The following FADS2 variants were observed in gnomAD, a reference collection of about 807,000 sequenced individuals.
FADS2 encodes fatty acid desaturase 2.
A neutral mutation model predicts 61.2 loss-of-function variants in FADS2; 18 were observed. The observed-to-expected ratio is 0.29, with a 90% confidence interval of 0.20 to 0.44. The LOEUF (loss-of-function observed/expected upper bound fraction) is 0.44, where lower values mean the gene tolerates loss of function less well. FADS2 is among the 20% of genes least tolerant of loss of function. FADS2 has a pLI of 1.00. For synonymous variants in FADS2, 203 were observed against 223.9 expected, an observed-to-expected ratio of 0.91 and a Z score of 0.83; for missense variants, 322 against 572.7, an observed-to-expected ratio of 0.56 and a Z score of 4.47.
upstream of FADS2, chr11:61,827,947 G>A (rs2067096937): frequency 1.3e-6 from 1 of 761,178 alleles, no homozygotes; most frequent in African/African-American, 1.9e-5. This position sits in a 1 kb window ranked among gnomAD's most constrained non-coding sequence, Gnocchi z 4.5. Flanking sequence ...CTGGGCCAAT[G>A]GCAGGCGGGG....
intron 2 of FADS2, 60 bp from the exon 3 acceptor site, chr11:61,840,274 C>A: frequency 7.2e-7 from 1 of 1,393,242 alleles, no homozygotes; most frequent in Non-Finnish European, 1.0e-6. Context: ...CAGCTCGAGA[C>A]ATATGTTCCC....
intron 7 of FADS2, among the ~76,000 whole-genome samples, chr11:61,857,759 C>T (rs897064728): frequency 6.6e-6 from 1 of 152,120 alleles, no homozygotes; most frequent in African/African-American, 2.4e-5. Flanking sequence ...TGGGGCAGCC[C>T]CTGCTTTTGC....
At chr11:61,856,857 C>T in intron 5 of FADS2, 154 bp from the exon 6 acceptor site, 2 of 694,694 alleles carry the variant, frequency 2.9e-6, no homozygotes, top group Non-Finnish European at 5.1e-6. Flanking sequence ...GGAGGGGCCC[C>T]AGGCTTGGTG....
chr11:61,838,897 T>C (rs2067196180), intron 2 of FADS2, among the ~76,000 whole-genome samples: 1 of 152,110 alleles, frequency 6.6e-6, no homozygotes. Context: ...CCCTTGTCCA[T>C]GGCCTTGCTC....
In FADS2 at chr11:61,845,030, CTTTTTTTTTTTTT is replaced by C. The variant is rs71046747; in HGVS notation, c.619-3110_619-3098del. ...TGTTTCCATTAAAGCCAGAAGTGCA[CTTTTTTTTTTTTT>C]TTTTTTTTTTTTTTTTTTGCCTCAG... On this transcript the variant is annotated intron_variant, in intron 4 of 11. Coordinates refer to ENST00000278840, the MANE Select transcript of FADS2 (RefSeq NM_004265.4). Among the ~76,000 whole-genome samples, 21 of 44,164 alleles carry C rather than the reference CTTTTTTTTTTTTT, an allele frequency of 4.8e-4. 1 individual carries two copies. Among genetic ancestry groups the C allele is most frequent in the African/African-American group, 1.2e-3 (14 of 11,492 alleles). 29.0% of individuals were successfully genotyped at this position (44,164 alleles called of 152,430 possible).
At chr11:61,819,164 G>A (rs896785899) in intron 1 of FADS2, among the ~76,000 whole-genome samples, 2 of 151,806 alleles carry the variant, frequency 1.3e-5, no homozygotes, top group African/African-American at 2.4e-5. Context: ...GTGAGCCACC[G>A]CACCCGGCCA....
chr11:61,831,627 C>T (rs1170690507), intron 1 of FADS2, among the ~76,000 whole-genome samples: 1 of 152,174 alleles, frequency 6.6e-6, no homozygotes, highest in Admixed American at 6.5e-5. Flanking sequence ...TATAATAATG[C>T]AAGTTGCTTG....
At chr11:61,824,447 GGAGGGAGGGA>G (rs1565325220), upstream of FADS2, among the ~76,000 whole-genome samples, 3 of 5,290 alleles carry the variant, frequency 5.7e-4, no homozygotes, top group African/African-American at 1.8e-3. Flanking sequence ...AGGGAGGGAG[GGAGGGAGGGA>G]GGGAGAGAGA....
At chr11:61,842,720 C>T (rs1290137000) in intron 4 of FADS2, among the ~76,000 whole-genome samples, 1 of 152,130 alleles carries the variant, frequency 6.6e-6, no homozygotes, top group Admixed American at 6.5e-5. Flanking sequence ...AGGACATGGA[C>T]ATGTGGCTCA....
chr11:61,827,131 C>A (rs556613941), upstream of FADS2, among the ~76,000 whole-genome samples: 14 of 152,292 alleles, frequency 9.2e-5, no homozygotes, highest in South Asian at 1.0e-3. The surrounding 1 kb of genome is among the most constrained non-coding windows in gnomAD (Gnocchi z 4.5). Context: ...AGGCCCATTT[C>A]CCCCAGGACG....
upstream of FADS2, chr11:61,828,221 GCA>G (rs1210700141): frequency 6.3e-6 from 9 of 1,432,156 alleles, no homozygotes; most frequent in Non-Finnish European, 8.2e-6. This position sits in a 1 kb window ranked among gnomAD's most constrained non-coding sequence, Gnocchi z 6.4. Flanking sequence ...ACTCCCGAGC[GCA>G]GGCGAGAAGG....
At chr11:61,818,758 A>G (rs1167173198) in intron 1 of FADS2, among the ~76,000 whole-genome samples, 1 of 152,250 alleles carries the variant, frequency 6.6e-6, no homozygotes, top group Non-Finnish European at 1.5e-5. Flanking sequence ...GGTCCTTTAC[A>G]TAAACCATTT....
intron 1 of FADS2, among the ~76,000 whole-genome samples, chr11:61,830,351 T>C (rs1428150214): frequency 6.6e-6 from 1 of 152,266 alleles, no homozygotes; most frequent in Non-Finnish European, 1.5e-5. Context: ...GAACGCTTAG[T>C]CTGGCAATTG....
intron 1 of FADS2, among the ~76,000 whole-genome samples, chr11:61,822,574 T>C (rs1451083189): frequency 6.6e-6 from 1 of 152,154 alleles, no homozygotes; most frequent in Non-Finnish European, 1.5e-5. Flanking sequence ...CTCTATTAAG[T>C]GGGAGAAGGG....
chr11:61,857,193 G>C, intron 6 of FADS2, 122 bp downstream of exon 6: 1 of 896,282 alleles, frequency 1.1e-6, no homozygotes, highest in Non-Finnish European at 1.8e-6. Flanking sequence ...TGTTAGAAGC[G>C]GGGGCCACAG....
In FADS2 at chr11:61,816,815, G is replaced by A; in HGVS notation, c.141+389G>A. On this transcript the variant is annotated intron_variant, in intron 1 of 11. Coordinates refer to the FADS2 transcript ENST00000257261. This position sits in a 1 kb window ranked among gnomAD's most constrained non-coding sequence, Gnocchi z 7.0. ...GCAGGGGCTGTCAGGCGCGTGCTCG[G>A]GGTCCGCGGGCTCCAGGAGTGGATT... is the stretch of plus-strand genomic sequence containing the variant. 1 of 1,493,988 alleles carries A rather than the reference G, an allele frequency of 6.7e-7. No individual in the cohort carries two copies. Among genetic ancestry groups the A allele is most frequent in the South Asian group, 1.3e-5 (1 of 78,130 alleles). The allele number at this position is 1,493,988 out of a possible 1,614,324, so 92.5% of individuals were successfully genotyped here.
In FADS2 at chr11:61,861,371, A is replaced by AAAAAAAAAAAC. The variant is rs1555078396; in HGVS notation, c.883-1601_883-1600insAAAAAAAAAAC. 1.9e-3 allele frequency among the ~76,000 whole-genome samples: 201 copies of AAAAAAAAAAAC among 106,464 alleles called. 2 individuals carry two copies. Among genetic ancestry groups the AAAAAAAAAAAC allele is most frequent in the Non-Finnish European group, 3.5e-3 (163 of 46,204 alleles). 69.8% of individuals were successfully genotyped at this position (106,464 alleles called of 152,430 possible). A position where few individuals can be genotyped will look rare whatever the true frequency, so the allele number is the denominator to read the frequency against. On this transcript the variant is annotated intron_variant, in intron 7 of 11. Coordinates refer to ENST00000278840, the MANE Select transcript of FADS2 (RefSeq NM_004265.4). ...TCCCTCTCAAAAAAAAAAAAAAAAAACAGAAATTAGCTACTCGGGAGGCTG... is the reference window on the plus strand; with the variant it reads ...TCCCTCTCAAAAAAAAAAAAAAAAAAAAAAAAAAAACCAGAAATTAGCTACTCGGGAGGCTG...
At chr11:61,857,793 A>C (rs563182198) in intron 7 of FADS2, among the ~76,000 whole-genome samples, 51 of 152,178 alleles carry the variant, frequency 3.4e-4, no homozygotes, top group African/African-American at 1.2e-3. Context: ...AAGTTCTCAA[A>C]GGCAGCAGGA....
chr11:61,853,134 G>A (rs996710448), intron 5 of FADS2, among the ~76,000 whole-genome samples: 1 of 150,742 alleles, frequency 6.6e-6, no homozygotes, highest in Non-Finnish European at 1.5e-5. Context: ...CAGCCTGGGC[G>A]ACAGAGTGAG....
Sources: allele counts gnomAD v4.1 joint callset (sites outside exome capture counted in the v4.1 genomes callset), GRCh38; gene constraint gnomAD v4.1.1; non-coding constraint Gnocchi (gnomAD v3.1); transcripts MANE v1.5; gene names NCBI Gene and HGNC (gene_info 2026-07-23, HGNC 2026-07-21).